The following MAP4K3 variants were observed in gnomAD, a reference collection of about 807,000 sequenced individuals.
MAP4K3 encodes MAPK/ERK kinase kinase kinase 3.
In MAP4K3, 94 loss-of-function variants were observed where a neutral mutation model predicts 143.5. The observed-to-expected ratio is 0.65, with a 90% CI of 0.55 to 0.78. MAP4K3 has a LOEUF of 0.78. Ranked by LOEUF, MAP4K3 falls within the 30% of genes least tolerant of loss-of-function variation. MAP4K3 has a pLI of 0.00. For missense variants in MAP4K3, 1,077 were observed against 1,068.1 expected, an observed-to-expected ratio of 1.01 and a Z score of -0.12; for synonymous variants, 416 against 347.2, an observed-to-expected ratio of 1.20 and a Z score of -2.20.
chr2:39,295,369 A>G (rs995299453), intron 16 of MAP4K3, among the ~76,000 whole-genome samples: 1 of 151,842 alleles, frequency 6.6e-6, no homozygotes, highest in African/African-American at 2.4e-5. Flanking sequence ...CATTTTGAAA[A>G]GTTCTAAAGT....
chr2:39,301,233 C>T (rs987936200), intron 15 of MAP4K3, among the ~76,000 whole-genome samples: 1 of 152,116 alleles, frequency 6.6e-6, no homozygotes, highest in African/African-American at 2.4e-5. Context: ...ATAAAGTGTT[C>T]TTATCAGTGT....
Position 39,261,612 on chromosome 2 carries a change from T to C in MAP4K3, c.2137-835A>G, listed in dbSNP as rs79426350. 4.7e-3 allele frequency among the ~76,000 whole-genome samples: 711 copies of C among 152,280 alleles called. 11 individuals are homozygous for C. The highest frequency in any genetic ancestry group is 0.016 in the African/African-American group (679 of 41,558). On this transcript the variant is annotated intron_variant, in intron 28 of 33. Transcript: ENST00000263881. ...CTGGAAGTAGGCATTCCTTAGGACC[T>C]TGCAATAATACTCCTAGGTATACAT... is the stretch of plus-strand genomic sequence containing the variant.
intron 21 of MAP4K3, among the ~76,000 whole-genome samples, chr2:39,286,055 T>C (rs1048856119): frequency 1.3e-5 from 2 of 152,252 alleles, no homozygotes; most frequent in Non-Finnish European, 2.9e-5. Context: ...TCACTACTTA[T>C]GTAATCTCTA....
chr2:39,367,827 G>GT (rs1294843433), intron 2 of MAP4K3, among the ~76,000 whole-genome samples: 1 of 152,110 alleles, frequency 6.6e-6, no homozygotes, highest in Non-Finnish European at 1.5e-5. Context: ...GCATGTTTAT[G>GT]TATTATGCAT....
At chr2:39,383,374 T>C (rs1238135346) in intron 1 of MAP4K3, among the ~76,000 whole-genome samples, 2 of 151,786 alleles carry the variant, frequency 1.3e-5, no homozygotes, top group Non-Finnish European at 2.9e-5. Context: ...GAGAACTCAC[T>C]ATCATGAGAA....
intron 16 of MAP4K3, 54 bp from the exon 17 acceptor site, chr2:39,293,322 A>G: frequency 9.3e-7 from 1 of 1,078,670 alleles, no homozygotes; most frequent in South Asian, 1.5e-5. Context: ...TCAAAGGAAT[A>G]TCGAATGTGT....
In MAP4K3 at chr2:39,282,410, A is replaced by G. The variant is rs115220249; in HGVS notation, c.1629+103T>C. The G allele has an allele frequency of 2.5e-3, 2,272 of 919,552 alleles. 40 individuals are homozygous for G. In the African/African-American group the frequency reaches 0.034, roughly 14 times the overall value. The allele number at this position is 919,552 out of a possible 1,614,324, so 57.0% of individuals were successfully genotyped here. On this transcript the variant is annotated intron_variant, in intron 22 of 33. Transcript: ENST00000263881. ...TAGCAATCTTATAGATTTTTTTTCA[A>G]TAATAATGAAAGTTCTTTCAAACAG...
At chr2:39,315,439 G>A (rs767511955) in intron 12 of MAP4K3, 51 bp from the exon 13 acceptor site, 3 of 1,277,866 alleles carry the variant, frequency 2.3e-6, no homozygotes, top group South Asian at 2.6e-5. Flanking sequence ...TCAAGTCATA[G>A]TTTGGTCCAC....
chr2:39,385,685 A>G (rs1666486238), intron 1 of MAP4K3, among the ~76,000 whole-genome samples: 1 of 148,318 alleles, frequency 6.7e-6, no homozygotes, highest in Non-Finnish European at 1.5e-5. Context: ...GCTAGGGTGC[A>G]ATGGCGCAAT....
intron 2 of MAP4K3, among the ~76,000 whole-genome samples, chr2:39,365,120 T>A (rs1375475628): frequency 6.6e-6 from 1 of 152,158 alleles, no homozygotes; most frequent in Non-Finnish European, 1.5e-5. Flanking sequence ...GATAAAATAC[T>A]TCTATTTCTT....
At position 39,280,335 on chromosome 2, in the gene MAP4K3, C is replaced by T; in HGVS notation, c.1651G>A (p.Val551Ile). The T allele has an allele frequency of 6.2e-7, 1 of 1,604,490 alleles. No homozygotes were observed. The highest frequency in any genetic ancestry group is 8.5e-7 in the Non-Finnish European group (1 of 1,174,218). Residue 551 changes from valine to isoleucine, a missense_variant, in exon 23 of 34, where the codon GTT (valine) becomes ATT (isoleucine). Val to Ile is a conservative substitution (Grantham distance 29). Transcript: ENST00000263881. The stretch of plus-strand genomic sequence containing the variant: ...ATTTTCAAGGGACACCCATTAAAAA[C>T]TTTTGAAAAACATGCACCCATCTAG... ...KVHMGACFSK[V>I]FNGCPLKIHC...
intron 4 of MAP4K3, among the ~76,000 whole-genome samples, chr2:39,339,529 A>G (rs925568339): frequency 6.6e-6 from 1 of 152,240 alleles, no homozygotes; most frequent in Admixed American, 6.5e-5. Context: ...TAATCCTGGT[A>G]AGCTAGGGCT....
chr2:39,331,870 C>T (rs1558650914), intron 8 of MAP4K3, 47 bp downstream of exon 8: 3 of 1,223,054 alleles, frequency 2.5e-6, no homozygotes, highest in South Asian at 1.6e-5. Context: ...ATGCTATATC[C>T]AATAATGATA....
At chr2:39,436,278 G>A (rs182417603) in intron 1 of MAP4K3, among the ~76,000 whole-genome samples, 2 of 150,798 alleles carry the variant, frequency 1.3e-5, no homozygotes, top group Non-Finnish European at 3.0e-5. Flanking sequence ...AAATGGCATC[G>A]CAGTCCAATT....
intron 22 of MAP4K3, among the ~76,000 whole-genome samples, chr2:39,281,243 C>CGT (rs1373490602): frequency 6.6e-6 from 1 of 152,172 alleles, no homozygotes. Context: ...TCCTCACAAA[C>CGT]ACGGAGGTAA....
intron 1 of MAP4K3, among the ~76,000 whole-genome samples, chr2:39,408,253 T>C (rs192430087): frequency 1.5e-3 from 224 of 152,338 alleles, no homozygotes; most frequent in South Asian, 3.1e-3. Context: ...TAAAGTTCCT[T>C]TGATATTAGA....
intron 1 of MAP4K3, among the ~76,000 whole-genome samples, chr2:39,386,959 G>T (rs6723052): frequency 0.33 from 49,442 of 151,710 alleles, 10,102 homozygotes; most frequent in East Asian, 0.74. Flanking sequence ...GGGACTGCAG[G>T]TGTGCCACCA....
chr2:39,258,702 T>A (rs1182357866), intron 29 of MAP4K3, 115 bp from the exon 30 acceptor site: 2 of 781,544 alleles, frequency 2.6e-6, no homozygotes, highest in Non-Finnish European at 4.4e-6. Context: ...ATGTCTTCTG[T>A]AATACACATG....
At chr2:39,369,468 C>A (rs1666022229) in intron 2 of MAP4K3, among the ~76,000 whole-genome samples, 1 of 152,106 alleles carries the variant, frequency 6.6e-6, no homozygotes, top group African/African-American at 2.4e-5. Context: ...GTATTTAAGG[C>A]TTTCCATAAA....
Sources: gnomAD v4.1 joint callset for allele counts (sites outside exome capture counted in the v4.1 genomes callset) on GRCh38, gnomAD v4.1.1 for gene constraint, MANE v1.5 for transcripts, NCBI Gene and HGNC (gene_info 2026-07-23, HGNC 2026-07-21) for gene names.